LRMDA: variants seen among roughly 807,000 people sequenced by gnomAD.
LRMDA encodes the protein leucine rich melanocyte differentiation associated, also known as leucine-rich melanocyte differentiation-associated protein.
Under a neutral mutation model 29.8 loss-of-function variants are expected in LRMDA, and 18 were observed. The observed-to-expected ratio is 0.60, with a 90% CI of 0.42 to 0.90. LRMDA has a LOEUF of 0.90. LRMDA is among the 40% of genes least tolerant of loss of function. LRMDA has a pLI of 0.00. For synonymous variants in LRMDA, 125 were observed against 109.4 expected, an observed-to-expected ratio of 1.14 and a Z score of -0.89; for missense variants, 273 against 273.9, an observed-to-expected ratio of 1.00 and a Z score of 0.02.
chr10:76,021,786 A>G (rs1032156863), intron 2 of LRMDA, among the ~76,000 whole-genome samples: 9 of 152,330 alleles, frequency 5.9e-5, no homozygotes, highest in Non-Finnish European at 1.3e-4. Flanking sequence ...AAAACTTTAT[A>G]TTCTCCAATA....
intron 6 of LRMDA, among the ~76,000 whole-genome samples, chr10:76,382,413 G>A (rs554337945): frequency 7.2e-5 from 11 of 152,038 alleles, no homozygotes; most frequent in East Asian, 1.9e-4. Flanking sequence ...GGTGGCCATC[G>A]TATTGCAAAA....
chr10:76,475,111 T>C (rs1254980470), intron 6 of LRMDA, among the ~76,000 whole-genome samples: 1 of 151,668 alleles, frequency 6.6e-6, no homozygotes, highest in East Asian at 1.9e-4. Context: ...CAGTTACCAA[T>C]GAACATATAT....
intron 6 of LRMDA, among the ~76,000 whole-genome samples, chr10:76,390,504 CAA>C (rs1287185717): frequency 7.4e-5 from 7 of 95,196 alleles, no homozygotes; most frequent in Admixed American, 1.1e-4. Context: ...TTAAGCAGAA[CAA>C]AAAAAAAAAA....
chr10:75,973,542 C>T (rs1847017252), intron 2 of LRMDA, among the ~76,000 whole-genome samples: 1 of 151,958 alleles, frequency 6.6e-6, no homozygotes, highest in African/African-American at 2.4e-5. Context: ...CCTCAGCCTC[C>T]CAAGTAGCTG....
At chr10:75,865,834 G>A (rs79177678) in intron 2 of LRMDA, among the ~76,000 whole-genome samples, 1,678 of 152,096 alleles carry the variant, frequency 0.011, 25 homozygotes, top group African/African-American at 0.036. Context: ...ACCATCAAAG[G>A]TTATTCACTG....
intron 2 of LRMDA, among the ~76,000 whole-genome samples, chr10:75,934,813 G>A (rs1440038454): frequency 6.6e-6 from 1 of 152,204 alleles, no homozygotes; most frequent in East Asian, 1.9e-4. Context: ...CGAAGAAATT[G>A]GGTTGCTCCC....
chr10:75,497,612 G>C (rs1845062391), intron 2 of LRMDA, among the ~76,000 whole-genome samples: 1 of 149,860 alleles, frequency 6.7e-6, no homozygotes, highest in Non-Finnish European at 1.5e-5. Context: ...GCTAATTCCT[G>C]CTCCCTCCCC....
intron 2 of LRMDA, among the ~76,000 whole-genome samples, chr10:75,575,870 CCAGGAGATTTACT>C (rs1208557681): frequency 2.0e-5 from 3 of 149,530 alleles, no homozygotes; most frequent in Admixed American, 6.6e-5. Flanking sequence ...AACCCACAGA[CCAGGAGATTTACT>C]CTGGTGCCCA....
In LRMDA at chr10:76,064,332, C is replaced by T. The variant is rs577798066; in HGVS notation, c.516+5549C>T. On this transcript the variant is annotated intron_variant, in intron 5 of 6. Coordinates refer to ENST00000611255, the MANE Select transcript of LRMDA (RefSeq NM_001305581.2). ...GAGGCAAGGGTGTGATCTGAAGCTG[C>T]GTTCTCCTCGTCACTCGGGGTGGTA... 1.3e-4 allele frequency among the ~76,000 whole-genome samples: 20 copies of T among 152,272 alleles called. No individual in the cohort carries two copies. In the South Asian group the frequency reaches 3.5e-3, roughly 27 times the overall value.
chr10:76,324,580 G>T, intron 6 of LRMDA, 95 bp downstream of exon 6: 1 of 1,077,176 alleles, frequency 9.3e-7, no homozygotes. Flanking sequence ...CGGCACTTTA[G>T]AAAGAACACA....
At chr10:75,452,299 G>T (rs1192780563) in intron 2 of LRMDA, among the ~76,000 whole-genome samples, 1 of 152,144 alleles carries the variant, frequency 6.6e-6, no homozygotes, top group Non-Finnish European at 1.5e-5. Context: ...GCTGCCTGGA[G>T]CCCTGGTTAG....
At position 75,538,510 on chromosome 10, in the gene LRMDA, T is replaced by A. The variant is rs578093751; in HGVS notation, c.131+100016T>A. Among the ~76,000 whole-genome samples the A allele has an allele frequency of 8.5e-5, 13 of 152,314 alleles. No individual in the cohort carries two copies. In the East Asian group the frequency reaches 9.6e-4, roughly 11 times the overall value. ...TATGTAATCTTCACCCGTAGACTGT[T>A]CAAATCATAGGGAAAGGGTGAAAAA... On this transcript the variant is annotated intron_variant, in intron 2 of 6. Transcript: ENST00000611255.
chr10:76,412,888 C>G (rs781778648), intron 6 of LRMDA, among the ~76,000 whole-genome samples: 2 of 152,140 alleles, frequency 1.3e-5, no homozygotes, highest in Non-Finnish European at 2.9e-5. Flanking sequence ...TTTCCTCTCT[C>G]TCTTTCCTGC....
rs1396524381 is a variant in LRMDA, at chr10:76,499,532, C to A, written c.602-57677C>A. Among the ~76,000 whole-genome samples, 2 of 75,390 alleles carry A rather than the reference C, an allele frequency of 2.7e-5. 1 individual carries two copies. Among genetic ancestry groups the A allele is most frequent in the Admixed American group, 2.5e-4 (2 of 8,096 alleles). The allele number at this position is 75,390 out of a possible 152,430, so 49.5% of individuals were successfully genotyped here. A position where few individuals can be genotyped will look rare whatever the true frequency, so the allele number is the denominator to read the frequency against. On this transcript the variant is annotated intron_variant, in intron 6 of 6. Coordinates refer to ENST00000611255, the MANE Select transcript of LRMDA (RefSeq NM_001305581.2). ...TTTTGACTAGAATTCAGGCATTATA[C>A]TTTTATTTTTAACCTTTCATTTTGA...
intron 5 of LRMDA, among the ~76,000 whole-genome samples, chr10:76,179,244 G>T (rs1016573962): frequency 6.6e-6 from 1 of 151,968 alleles, no homozygotes; most frequent in African/African-American, 2.4e-5. Flanking sequence ...AGGAGGGGGG[G>T]GTGGTGGAGG....
intron 2 of LRMDA, among the ~76,000 whole-genome samples, chr10:75,732,227 G>A (rs563137435): frequency 6.6e-6 from 1 of 152,056 alleles, no homozygotes; most frequent in Non-Finnish European, 1.5e-5. Flanking sequence ...TGGCTTTGGT[G>A]TAAATCTGGA....
chr10:76,270,907 G>A (rs1236367868), intron 5 of LRMDA: 1 of 152,196 alleles, frequency 6.6e-6, no homozygotes, highest in Non-Finnish European at 1.5e-5. Context: ...CTTCACAGAA[G>A]CAATTAAATT....
intron 5 of LRMDA, among the ~76,000 whole-genome samples, chr10:76,240,323 A>G (rs1353987675): frequency 1.3e-5 from 2 of 151,080 alleles, no homozygotes; most frequent in Non-Finnish European, 2.9e-5. Flanking sequence ...AAGTGAAGTA[A>G]CTCAGGAATG....
chr10:76,229,692 AC>A (rs941146966), intron 5 of LRMDA, among the ~76,000 whole-genome samples: 8 of 151,478 alleles, frequency 5.3e-5, no homozygotes, highest in Non-Finnish European at 1.0e-4. Context: ...GCATATCAAC[AC>A]CCCCACACTT....
Sources: allele counts gnomAD v4.1 joint callset (sites outside exome capture counted in the v4.1 genomes callset), GRCh38; gene constraint gnomAD v4.1.1; transcripts MANE v1.5; gene names NCBI Gene and HGNC (gene_info 2026-07-23, HGNC 2026-07-21).